CENPM: variants seen among roughly 807,000 people sequenced by gnomAD.
CENPM encodes interphase centromere complex protein 39.
CENPM carries 14 observed loss-of-function variants against 19.6 expected under a neutral mutation model. The observed-to-expected ratio is 0.71, with a 90% confidence interval of 0.47 to 1.11. CENPM has a LOEUF of 1.11. CENPM is among the 50% of genes most tolerant of loss of function. CENPM has a pLI of 0.00. For missense variants in CENPM, 239 were observed against 228.4 expected (o/e 1.05, Z -0.30); for synonymous variants, 114 against 101.5 (o/e 1.12, Z -0.74).
chr22:41,929,970 GTC>G, the CENPM span, among the ~76,000 whole-genome samples: 1 of 121,504 alleles, frequency 8.2e-6, no homozygotes, highest in Admixed American at 9.1e-5. Flanking sequence ...TTGAGACGGA[GTC>G]TCTCTCTGTC....
At position 41,946,452 on chromosome 22, in the gene CENPM, C is replaced by A. The variant is rs372178394; in HGVS notation, c.102G>T (p.Ser34=). The A allele has an allele frequency of 1.7e-5, 28 of 1,613,072 alleles. No homozygotes were observed. Among genetic ancestry groups the A allele is most frequent in the Non-Finnish European group, 2.3e-5 (27 of 1,179,976 alleles). The change falls in exon 2 of 6, where the codon TCG becomes TCT. Residue 34 remains serine (S), a synonymous_variant. Transcript: ENST00000215980. ...CGGAGGCGCAGTCCTCTTTGAGCAT[C>A]GAGTCCGCCAGCTGCTGCAGAAGAG... is the stretch of plus-strand genomic sequence containing the variant. ...EDALLQQLAD[S]MLKEDCASEL...
At chr22:41,943,848 T>A (rs1390547914) in intron 4 of CENPM, 147 bp from the exon 5 acceptor site, 1 of 683,000 alleles carries the variant, frequency 1.5e-6, no homozygotes, top group Non-Finnish European at 2.4e-6. Flanking sequence ...TACTTTCTTT[T>A]CTAGGTAGTC....
In CENPM at chr22:41,943,770, G is replaced by A. The variant is rs530011600; in HGVS notation, c.311-69C>T. The A allele has an allele frequency of 2.1e-6, 3 of 1,399,778 alleles. No individual in the cohort carries two copies. The South Asian group carries it at 3.8e-5, about 18-fold the overall frequency. The allele number at this position is 1,399,778 out of a possible 1,614,324, so 86.7% of individuals were successfully genotyped here. ...CTGGCTGGAATTCAGGAAGTGCTGG[G>A]CAGAGTCACTCACTTCCCCACTCTG... On this transcript the variant is annotated intron_variant, in intron 4 of 5. Transcript: ENST00000215980.
chr22:41,927,288 G>T, the CENPM span, among the ~76,000 whole-genome samples: 1 of 152,156 alleles, frequency 6.6e-6, no homozygotes, highest in African/African-American at 2.4e-5. Context: ...TGGGCCCTCT[G>T]CTGGGTGCTG....
At chr22:41,939,878 A>AAGAAAGAAAGAAAGAAAGAAAGAAAAAG in intron 5 of CENPM, among the ~76,000 whole-genome samples, 1 of 73,004 alleles carries the variant, frequency 1.4e-5, no homozygotes, top group East Asian at 2.7e-4. Context: ...GAAAGAAAGA[A>AAGAAAGAAAGAAAGAAAGAAAGAAAAAG]AAAGAAAGAA....
downstream of CENPM, among the ~76,000 whole-genome samples, chr22:41,934,898 A>G (rs986018398): frequency 2.0e-5 from 3 of 152,120 alleles, no homozygotes; most frequent in Non-Finnish European, 4.4e-5. Context: ...ATCTTCCATT[A>G]CTTCCCTCAG....
chr22:41,941,829 T>G (rs2077741644), intron 5 of CENPM, among the ~76,000 whole-genome samples: 1 of 152,150 alleles, frequency 6.6e-6, no homozygotes, highest in South Asian at 2.1e-4. Flanking sequence ...TAGAGTCAAG[T>G]GTGTATCATG....
the CENPM span, among the ~76,000 whole-genome samples, chr22:41,932,510 GGCTGGA>G: frequency 5.9e-5 from 9 of 152,180 alleles, no homozygotes; most frequent in African/African-American, 2.2e-4. This position sits in a 1 kb window ranked among gnomAD's most constrained non-coding sequence, Gnocchi z 4.3. Context: ...GGTCTTCATG[GGCTGGA>G]GCTGCCTGTC....
At chr22:41,932,226 T>C in the CENPM span, among the ~76,000 whole-genome samples, 3 of 152,214 alleles carry the variant, frequency 2.0e-5, no homozygotes, top group African/African-American at 7.2e-5. This position sits in a 1 kb window ranked among gnomAD's most constrained non-coding sequence, Gnocchi z 4.3. Flanking sequence ...GGTTATTTCC[T>C]TTCCCTTCTC....
chr22:41,933,894 G>A (rs1602379986), downstream of CENPM, among the ~76,000 whole-genome samples: 1 of 152,112 alleles, frequency 6.6e-6, no homozygotes, highest in Non-Finnish European at 1.5e-5. Flanking sequence ...GGCTCTCCTC[G>A]CCCACCAGCC....
At chr22:41,931,522 G>T in the CENPM span, among the ~76,000 whole-genome samples, 1 of 151,916 alleles carries the variant, frequency 6.6e-6, no homozygotes, top group Admixed American at 6.6e-5. Flanking sequence ...ATAGTTTGGG[G>T]TCTTCAGAGA....
chr22:41,936,906 G>C (rs1033469695), downstream of CENPM, among the ~76,000 whole-genome samples: 1 of 151,964 alleles, frequency 6.6e-6, no homozygotes, highest in Admixed American at 6.6e-5. Context: ...CAGCCTGGGC[G>C]ACAGAGCAAG....
At chr22:41,939,244 T>C in intron 5 of CENPM, 48 bp from the exon 6 acceptor site, 1 of 1,549,448 alleles carries the variant, frequency 6.5e-7, no homozygotes. Context: ...CTGGCCCTGC[T>C]CCCTTACCCA....
At chr22:41,929,580 G>A in the CENPM span, among the ~76,000 whole-genome samples, 1 of 152,226 alleles carries the variant, frequency 6.6e-6, no homozygotes, top group Non-Finnish European at 1.5e-5. Context: ...GAGGGCTGGA[G>A]CCCACTGTCA....
chr22:41,946,586 G>T, intron 1 of CENPM, 90 bp from the exon 2 acceptor site: 1 of 1,061,552 alleles, frequency 9.4e-7, no homozygotes, highest in African/African-American at 1.6e-5. Flanking sequence ...CGGGGGGATC[G>T]GGACACCGCC....
At chr22:41,929,065 A>T in the CENPM span, among the ~76,000 whole-genome samples, 2 of 145,348 alleles carry the variant, frequency 1.4e-5, no homozygotes, top group Admixed American at 1.4e-4. Flanking sequence ...TGCAAAGGAG[A>T]AGTGGGGCTG....
At chr22:41,929,403 C>T in the CENPM span, among the ~76,000 whole-genome samples, 13 of 152,280 alleles carry the variant, frequency 8.5e-5, no homozygotes, top group African/African-American at 2.9e-4. Flanking sequence ...GAACGGGGAA[C>T]CTGTCCCTGG....
chr22:41,937,359 G>T (rs539549537), downstream of CENPM, among the ~76,000 whole-genome samples: 1 of 152,244 alleles, frequency 6.6e-6, no homozygotes, highest in South Asian at 2.1e-4. Flanking sequence ...GCAGTGGTAC[G>T]ATCTCAGCTC....
chr22:41,945,919 T>A lies in CENPM; in HGVS notation c.224A>T (p.Lys75Ile). Reference sequence around the variant, plus strand: ...CCCTTCCTCTGGCTCTCACCTGTATTTGCTGTGAAGATTAACCACAAACAC... The same window carrying A: ...CCCTTCCTCTGGCTCTCACCTGTATATGCTGTGAAGATTAACCACAAACAC... The part of the protein sequence containing the change: ...LIVFVVNLHS[K>I]YSLQNTEESL... The change falls in exon 3 of 6, where the codon AAA (lysine) becomes ATA (isoleucine). Residue 75 changes from lysine (K) to isoleucine (I), a missense_variant. Transcript: ENST00000215980. 1.2e-6 allele frequency: 2 copies of A among 1,613,554 alleles called. No homozygotes were observed.
Sources: allele counts gnomAD v4.1 joint callset (sites outside exome capture counted in the v4.1 genomes callset), GRCh38; gene constraint gnomAD v4.1.1; non-coding constraint Gnocchi (gnomAD v3.1); transcripts MANE v1.5; gene names NCBI Gene and HGNC (gene_info 2026-07-23, HGNC 2026-07-21).